The following CCNK variants were observed in gnomAD, a reference collection of about 807,000 sequenced individuals.
CCNK encodes the protein cyclin K, also known as cyclin-K.
Under a neutral mutation model 65.0 loss-of-function variants are expected in CCNK, and 9 were observed. The ratio of observed to expected loss-of-function variants is 0.14; its 90% CI spans 0.08 to 0.24. CCNK has a LOEUF of 0.24. Ranked by LOEUF, CCNK falls within the 10% of genes least tolerant of loss-of-function variation. The pLI is 1.00. For synonymous variants in CCNK, 279 were observed against 270.8 expected, an observed-to-expected ratio of 1.03 and a Z score of -0.30; for missense variants, 474 against 720.0, an observed-to-expected ratio of 0.66 and a Z score of 3.91.
rs2069488 is a variant in CCNK at position 99,493,924 on chromosome 14, A to C, written c.279+329A>C. ...AAGCAAAATGGAACAGAAGTTGTCT[A>C]TGCCATATCACTCATTCTTCGGTTA... On this transcript the variant is annotated intron_variant, in intron 3 of 10. Coordinates refer to ENST00000389879, the MANE Select transcript of CCNK (RefSeq NM_001099402.2). 7.3e-3 allele frequency: 1,511 copies of C among 207,366 alleles called. 19 individuals carry two copies. Among genetic ancestry groups the C allele is most frequent in the African/African-American group, 0.032 (1,396 of 43,502 alleles). 12.8% of individuals were successfully genotyped at this position (207,366 alleles called of 1,614,324 possible).
At position 99,511,452 on chromosome 14, in the gene CCNK, T is replaced by C. The variant is rs1398032845; in HGVS notation, c.*670T>C. 6.6e-6 allele frequency: 1 copy of C among 152,536 alleles called. No homozygotes were observed. The highest frequency in any genetic ancestry group is 1.9e-4 in the East Asian group (1 of 5,204). The allele number at this position is 152,536 out of a possible 1,614,324, so 9.4% of individuals were successfully genotyped here. ...GTGAATGTAACAACATACTGTGAAT[T>C]CCATCTTGGTTACAAATGAGACTCC... is the stretch of plus-strand genomic sequence containing the variant. On this transcript the variant is annotated 3_prime_UTR_variant, in exon 11 of 11. Transcript: ENST00000389879.
chr14:99,490,782 G>T (rs1173051108), intron 1 of CCNK, among the ~76,000 whole-genome samples: 2 of 152,044 alleles, frequency 1.3e-5, no homozygotes, highest in African/African-American at 4.8e-5. Context: ...AAAAAAATTA[G>T]CCAGGCGTGG....
intron 10 of CCNK, 60 bp from the exon 11 acceptor site, chr14:99,510,097 G>A: frequency 4.0e-6 from 6 of 1,510,894 alleles, no homozygotes; most frequent in Non-Finnish European, 5.3e-6. Context: ...GGGCCAGGAG[G>A]CACTGAAAAA....
Position 99,492,721 on chromosome 14 carries a change from C to T in CCNK, c.44C>T (p.Ala15Val), listed in dbSNP as rs538109875. The change falls in exon 2 of 11, where the codon GCA becomes GTA. Residue 15 changes from alanine (A) to valine (V), a missense_variant. Ala to Val is a moderately conservative substitution (Grantham distance 64). Coordinates refer to ENST00000389879, the MANE Select transcript of CCNK (RefSeq NM_001099402.2). Reference sequence around the variant, plus strand: ...AATTCAAGCCCTTCAGTAACTTCAGCAAACCTGGACCACACAAAGCCATGT... The same window carrying T: ...AATTCAAGCCCTTCAGTAACTTCAGTAAACCTGGACCACACAAAGCCATGT... ...KENSSPSVTS[A>V]NLDHTKPCWY... 6.2e-7 allele frequency: 1 copy of T among 1,611,138 alleles called. No homozygotes were observed. The highest frequency in any genetic ancestry group is 1.3e-5 in the African/African-American group (1 of 74,804).
At chr14:99,495,838 A>G (rs1035880255) in intron 4 of CCNK, among the ~76,000 whole-genome samples, 1 of 152,208 alleles carries the variant, frequency 6.6e-6, no homozygotes, top group Non-Finnish European at 1.5e-5. Context: ...TTATGTGCCC[A>G]GCAGTATTCT....
At chr14:99,487,395 C>A (rs182908561) in intron 1 of CCNK, among the ~76,000 whole-genome samples, 9 of 152,182 alleles carry the variant, frequency 5.9e-5, no homozygotes, top group Non-Finnish European at 1.3e-4. Flanking sequence ...TTCCTGGCCT[C>A]TACCCACACT....
intron 1 of CCNK, among the ~76,000 whole-genome samples, chr14:99,482,908 T>A (rs189057053): frequency 6.6e-6 from 1 of 152,292 alleles, no homozygotes; most frequent in East Asian, 1.9e-4. Flanking sequence ...TTGTTTTCTT[T>A]AAAATTGGAT....
At chr14:99,489,274 C>G (rs1896552695) in intron 1 of CCNK, among the ~76,000 whole-genome samples, 2 of 152,072 alleles carry the variant, frequency 1.3e-5, no homozygotes, top group Non-Finnish European at 2.9e-5. Flanking sequence ...ACAACATTAG[C>G]ATTTACATAT....
rs555855650 is a variant in CCNK at position 99,495,342 on chromosome 14, T to G, written c.280-156T>G. The stretch of plus-strand genomic sequence containing the variant: ...TTGGGGGATTTATATGTATAAAATT[T>G]CCTTCAAGCTTCTAGAGTATCGGAG... On this transcript the variant is annotated intron_variant, in intron 3 of 10. Coordinates refer to ENST00000389879, the MANE Select transcript of CCNK (RefSeq NM_001099402.2). 239 of 426,976 alleles carry G rather than the reference T, an allele frequency of 5.6e-4. 1 individual carries two copies. The highest frequency in any genetic ancestry group is 4.5e-3 in the African/African-American group (222 of 49,038). The allele number at this position is 426,976 out of a possible 1,614,324, so 26.4% of individuals were successfully genotyped here. A position where few individuals can be genotyped will look rare whatever the true frequency, so the allele number is the denominator to read the frequency against.
At chr14:99,498,826 G>T (rs1896757620) in intron 4 of CCNK, among the ~76,000 whole-genome samples, 1 of 152,152 alleles carries the variant, frequency 6.6e-6, no homozygotes, top group East Asian at 1.9e-4. Context: ...CGTTCCTGAG[G>T]AATGATGTTT....
Position 99,481,598 on chromosome 14 carries a change from C to G in CCNK, c.-53+119C>G, listed in dbSNP as rs1034593830. The G allele has an allele frequency of 3.8e-5, 15 of 395,364 alleles. No individual in the cohort carries two copies. The East Asian group carries it at 4.7e-4, about 12-fold the overall frequency. 24.5% of individuals were successfully genotyped at this position (395,364 alleles called of 1,614,324 possible). A position where few individuals can be genotyped will look rare whatever the true frequency, so the allele number is the denominator to read the frequency against. ...GAGTCTCTCTTTCCGGATTCTGCCTCCCTCCGCTAACCTCCGGTACACATT... is the reference window on the plus strand; with the variant it reads ...GAGTCTCTCTTTCCGGATTCTGCCTGCCTCCGCTAACCTCCGGTACACATT... On this transcript the variant is annotated intron_variant, in intron 1 of 10. Coordinates refer to ENST00000389879, the MANE Select transcript of CCNK (RefSeq NM_001099402.2).
intron 1 of CCNK, among the ~76,000 whole-genome samples, chr14:99,483,586 T>C (rs907224525): frequency 2.0e-5 from 3 of 152,204 alleles, no homozygotes; most frequent in Admixed American, 6.5e-5. Context: ...TATTTCCTTT[T>C]GTTACAGTTT....
At chr14:99,506,128 TAGAG>T (rs544065879) in intron 9 of CCNK, 1 of 152,298 alleles carries the variant, frequency 6.6e-6, no homozygotes, top group Non-Finnish European at 1.5e-5. Context: ...GTTGTCCACT[TAGAG>T]AGGGGCTTTG....
intron 4 of CCNK, among the ~76,000 whole-genome samples, chr14:99,498,538 C>A (rs1426940506): frequency 6.6e-6 from 1 of 151,906 alleles, no homozygotes; most frequent in East Asian, 1.9e-4. Context: ...ACATTTTTTG[C>A]CTTAATTAGC....
At chr14:99,492,572 A>G in intron 1 of CCNK, 54 bp from the exon 2 acceptor site, 3 of 898,854 alleles carry the variant, frequency 3.3e-6, no homozygotes, top group Non-Finnish European at 5.1e-6. Context: ...ATGATTCTAG[A>G]TTGCTTATAG....
intron 4 of CCNK, among the ~76,000 whole-genome samples, chr14:99,498,289 G>T (rs1896743941): frequency 6.6e-6 from 1 of 152,142 alleles, no homozygotes; most frequent in Non-Finnish European, 1.5e-5. Flanking sequence ...CCCAGAAAAT[G>T]GGAAAAGAGG....
intron 8 of CCNK, chr14:99,503,337 C>T (rs903571640): frequency 3.7e-5 from 22 of 601,736 alleles, no homozygotes; most frequent in Non-Finnish European, 6.5e-5. Context: ...TTTCCTGCAC[C>T]CAAGTGGTCC....
At chr14:99,483,080 A>G (rs1036099181) in intron 1 of CCNK, among the ~76,000 whole-genome samples, 2 of 152,240 alleles carry the variant, frequency 1.3e-5, no homozygotes, top group African/African-American at 4.8e-5. Flanking sequence ...ACAGTTAATG[A>G]TAGAAGACTA....
intron 4 of CCNK, among the ~76,000 whole-genome samples, chr14:99,497,163 A>G (rs373271106): frequency 2.6e-5 from 4 of 152,214 alleles, no homozygotes; most frequent in South Asian, 4.2e-4. Flanking sequence ...GTTTGGACAT[A>G]CGTATAGTAA....
Sources: gnomAD v4.1 joint callset for allele counts (sites outside exome capture counted in the v4.1 genomes callset) on GRCh38, gnomAD v4.1.1 for gene constraint, MANE v1.5 for transcripts, NCBI Gene and HGNC (gene_info 2026-07-23, HGNC 2026-07-21) for gene names.